The following COMMD1 variants were observed in gnomAD, a reference collection of about 807,000 sequenced individuals.
COMMD1 encodes copper metabolism domain containing 1.
A neutral mutation model predicts 17.2 loss-of-function variants in COMMD1; 10 were observed. That is an observed-to-expected ratio of 0.58 (90% confidence interval 0.36 to 0.99). The LOEUF is 0.99. COMMD1 is among the 50% of genes least tolerant of loss of function. The probability of loss-of-function intolerance (pLI) is 0.01; values close to 1 mark genes in which losing one functional copy is unlikely to be tolerated. For missense variants in COMMD1, 270 were observed against 231.8 expected (o/e 1.17, Z -1.07); for synonymous variants, 97 against 91.6 (o/e 1.06, Z -0.34).
intron 2 of COMMD1, among the ~76,000 whole-genome samples, chr2:62,098,421 T>C (rs943606872): frequency 6.6e-6 from 1 of 152,092 alleles, no homozygotes; most frequent in African/African-American, 2.4e-5. Context: ...TCCTTTTCTT[T>C]CTTAATGATT....
chr2:62,081,598 A>G (rs1281087956), intron 2 of COMMD1, among the ~76,000 whole-genome samples: 1 of 151,854 alleles, frequency 6.6e-6, no homozygotes, highest in Non-Finnish European at 1.5e-5. Flanking sequence ...TTTACTCTAC[A>G]TTTCCTTGTC....
intron 2 of COMMD1, among the ~76,000 whole-genome samples, chr2:62,040,206 T>C (rs1002074919): frequency 1.3e-5 from 2 of 152,136 alleles, no homozygotes; most frequent in African/African-American, 4.8e-5. Context: ...TTGGCCATGA[T>C]TGCATCACTG....
chr2:61,953,946 G>A (rs1364476070), intron 1 of COMMD1, among the ~76,000 whole-genome samples: 1 of 152,046 alleles, frequency 6.6e-6, no homozygotes, highest in African/African-American at 2.4e-5. Context: ...CAGGCCGGGT[G>A]CGGTGGCTCA....
intron 1 of COMMD1, among the ~76,000 whole-genome samples, chr2:61,958,969 C>A (rs966746561): frequency 6.6e-6 from 1 of 152,060 alleles, no homozygotes; most frequent in Non-Finnish European, 1.5e-5. Flanking sequence ...TTAAAGGCCG[C>A]GAACACTGAT....
chr2:61,908,050 C>G (rs1669815746), intron 1 of COMMD1, among the ~76,000 whole-genome samples: 1 of 151,960 alleles, frequency 6.6e-6, no homozygotes. Flanking sequence ...TTTCAAGTGG[C>G]TCTGTGTTGT....
intron 2 of COMMD1, among the ~76,000 whole-genome samples, chr2:62,060,346 A>G (rs1670824279): frequency 6.6e-6 from 1 of 152,162 alleles, no homozygotes; most frequent in African/African-American, 2.4e-5. Context: ...ATAAATAAAT[A>G]AATAAAACAA....
At chr2:62,129,882 A>C (rs2104097778) in intron 2 of COMMD1, among the ~76,000 whole-genome samples, 1 of 152,350 alleles carries the variant, frequency 6.6e-6, no homozygotes, top group South Asian at 2.1e-4. Context: ...TGCTCAATAA[A>C]GAGTCCCTTT....
At chr2:61,974,387 T>C (rs981408373) in intron 1 of COMMD1, among the ~76,000 whole-genome samples, 2 of 151,892 alleles carry the variant, frequency 1.3e-5, no homozygotes, top group Non-Finnish European at 2.9e-5. Context: ...ATTAATATTT[T>C]TTTTGGCCGG....
chr2:62,027,096 A>G (rs1262925793), intron 2 of COMMD1, among the ~76,000 whole-genome samples: 1 of 152,134 alleles, frequency 6.6e-6, no homozygotes, highest in Non-Finnish European at 1.5e-5. Context: ...ATTTTTATTC[A>G]CTTTTGTCAA....
intron 1 of COMMD1, among the ~76,000 whole-genome samples, chr2:61,957,237 T>G (rs1392696555): frequency 6.6e-6 from 1 of 152,068 alleles, no homozygotes; most frequent in Non-Finnish European, 1.5e-5. Flanking sequence ...GGATTACAGG[T>G]GTAGGTTTAT....
At chr2:61,966,909 T>A (rs1302491151) in intron 1 of COMMD1, among the ~76,000 whole-genome samples, 1 of 152,052 alleles carries the variant, frequency 6.6e-6, no homozygotes, top group Non-Finnish European at 1.5e-5. Context: ...TACACAACAG[T>A]GGTTTTTAAA....
In COMMD1 at chr2:61,970,621, A is replaced by G. The variant is rs76101583; in HGVS notation, c.181-30080A>G. Among the ~76,000 whole-genome samples the G allele has an allele frequency of 8.0e-3, 1,224 of 152,332 alleles. 20 individuals are homozygous for G. The highest frequency in any genetic ancestry group is 0.028 in the African/African-American group (1,157 of 41,584). On this transcript the variant is annotated intron_variant, in intron 1 of 2. Transcript: ENST00000311832. ...TTTTTATTTTGAATATTTGGCCCTC[A>G]GATGGTTGAATTCCTAGATGTGGAA...
chr2:62,052,167 T>C (rs1388305962), intron 2 of COMMD1, among the ~76,000 whole-genome samples: 1 of 152,100 alleles, frequency 6.6e-6, no homozygotes, highest in Admixed American at 6.6e-5. Context: ...AAGATAGAAA[T>C]TGGCCCAGCA....
At chr2:62,133,870 C>T (rs1673111635) in intron 2 of COMMD1, among the ~76,000 whole-genome samples, 1 of 152,134 alleles carries the variant, frequency 6.6e-6, no homozygotes, top group African/African-American at 2.4e-5. Context: ...GGTTGCTAGG[C>T]TCACTCCACC....
chr2:61,921,722 C>A (rs970433731), intron 1 of COMMD1, among the ~76,000 whole-genome samples: 1 of 152,164 alleles, frequency 6.6e-6, no homozygotes, highest in African/African-American at 2.4e-5. Flanking sequence ...GGATTACAGG[C>A]GTGAGCCACC....
At chr2:61,946,648 T>A (rs1175256065) in intron 1 of COMMD1, among the ~76,000 whole-genome samples, 1 of 152,194 alleles carries the variant, frequency 6.6e-6, no homozygotes, top group African/African-American at 2.4e-5. Context: ...ATTACTAGTT[T>A]TACTACACTA....
intron 2 of COMMD1, among the ~76,000 whole-genome samples, chr2:62,018,156 G>A (rs1669508158): frequency 6.6e-6 from 1 of 152,074 alleles, no homozygotes; most frequent in Non-Finnish European, 1.5e-5. Flanking sequence ...ATTGATGAAA[G>A]GTGGATTCTT....
At chr2:62,006,690 C>G (rs1386551036) in intron 2 of COMMD1, among the ~76,000 whole-genome samples, 1 of 152,138 alleles carries the variant, frequency 6.6e-6, no homozygotes, top group Admixed American at 6.5e-5. Flanking sequence ...TCATATTTGG[C>G]CATAAATCAC....
chr2:62,024,722 A>G (rs776256451), intron 2 of COMMD1, among the ~76,000 whole-genome samples: 41 of 152,312 alleles, frequency 2.7e-4, no homozygotes, highest in Admixed American at 1.2e-3. Flanking sequence ...TTGAAAATTC[A>G]GAATATTTGC....
Sources: gnomAD v4.1 joint callset for allele counts (sites outside exome capture counted in the v4.1 genomes callset) on GRCh38, gnomAD v4.1.1 for gene constraint, MANE v1.5 for transcripts, NCBI Gene and HGNC (gene_info 2026-07-23, HGNC 2026-07-21) for gene names.